The following CLSTN2 variants were observed in gnomAD, a reference collection of about 807,000 sequenced individuals.
CLSTN2 encodes calsyntenin 2, also known as calsyntenin-2.
Under a neutral mutation model 101.2 loss-of-function variants are expected in CLSTN2, and 48 were observed. That is an observed-to-expected ratio of 0.47 (90% CI 0.38 to 0.60). The LOEUF (loss-of-function observed/expected upper bound fraction) is 0.60. Among genes scored for constraint, CLSTN2 ranks in the 20% least tolerant of loss-of-function variants. The pLI is 0.00. For synonymous variants in CLSTN2, 481 were observed against 463.6 expected (o/e 1.04, Z -0.48); for missense variants, 1,160 against 1,238.2 (o/e 0.94, Z 0.95).
intron 1 of CLSTN2, among the ~76,000 whole-genome samples, chr3:139,981,058 G>T (rs1293962178): frequency 6.6e-6 from 1 of 152,134 alleles, no homozygotes; most frequent in African/African-American, 2.4e-5. Flanking sequence ...GTGTGGGTTT[G>T]ATTGGGCAAT....
intron 1 of CLSTN2, among the ~76,000 whole-genome samples, chr3:140,044,914 C>T (rs2007840591): frequency 6.6e-6 from 1 of 152,158 alleles, no homozygotes; most frequent in South Asian, 2.1e-4. Context: ...TTTTGATGTG[C>T]TGCTGGATTC....
In CLSTN2 at chr3:140,138,698, T is replaced by C. The variant is rs929835307; in HGVS notation, c.110-37253T>C. Among the ~76,000 whole-genome samples, 9 of 152,336 alleles carry C rather than the reference T, an allele frequency of 5.9e-5. No homozygotes were observed. The East Asian group carries it at 1.7e-3, about 29-fold the overall frequency. On this transcript the variant is annotated intron_variant, in intron 1 of 16. Transcript: ENST00000458420. ...TATTTTTCATGCCTGAGTTACCCCC[T>C]ACTCTCACCAAAGTCAATACGACCT...
rs994547966 is a variant in CLSTN2, at chr3:140,563,172, T to C, written c.2451T>C (p.Pro817=). 6.2e-7 allele frequency: 1 copy of C among 1,614,136 alleles called. No individual in the cohort carries two copies. Among genetic ancestry groups the C allele is most frequent in the Non-Finnish European group, 8.5e-7 (1 of 1,180,012 alleles). Residue 817 remains proline, a synonymous_variant, in exon 15 of 17, where the codon CCT becomes CCC. Coordinates refer to ENST00000458420, the MANE Select transcript of CLSTN2 (RefSeq NM_022131.3). ...CCTTCCTCCAGTCTGTCCATCATCCTGAGTCCCGGAGTAGCATCCAGCACA... is the reference window on the plus strand; with the variant it reads ...CCTTCCTCCAGTCTGTCCATCATCCCGAGTCCCGGAGTAGCATCCAGCACA... ...QPPFLQSVHH[P]ESRSSIQHSS...
chr3:140,098,621 T>G (rs1225063406), intron 1 of CLSTN2, among the ~76,000 whole-genome samples: 1 of 152,228 alleles, frequency 6.6e-6, no homozygotes, highest in African/African-American at 2.4e-5. Flanking sequence ...GCTGGAGATT[T>G]TATTCATTCC....
rs1239450187 is a variant in CLSTN2, at chr3:140,562,157, A to G, written c.2061A>G (p.Leu687=). The G allele has an allele frequency of 6.2e-7, 1 of 1,614,062 alleles. No homozygotes were observed. Among genetic ancestry groups the G allele is most frequent in the Non-Finnish European group, 8.5e-7 (1 of 1,179,946 alleles). The change falls in exon 13 of 17, where the codon TTA becomes TTG. Residue 687 remains leucine (L), a synonymous_variant. Transcript: ENST00000458420. ...CTACAGACCCCAAATCAGAAGTCTTAGAGGAAATGCTTCATAACTTAGATT... is the reference window on the plus strand; with the variant it reads ...CTACAGACCCCAAATCAGAAGTCTTGGAGGAAATGCTTCATAACTTAGATT... The part of the protein sequence containing the change: ...VKTTDPKSEV[L]EEMLHNLDFC...
At position 140,181,431 on chromosome 3, in the gene CLSTN2, T is replaced by G. The variant is rs188748811; in HGVS notation, c.232+5358T>G. Among the ~76,000 whole-genome samples the G allele has an allele frequency of 2.5e-3, 387 of 152,300 alleles. 2 individuals are homozygous for G. The highest frequency in any genetic ancestry group is 9.1e-3 in the African/African-American group (377 of 41,556). ...CAATAGTGCAATTATAATCTGTGAT[T>G]TTTTTTAAAAAAGAGAAAAGTTTTG... On this transcript the variant is annotated intron_variant, in intron 2 of 16. Coordinates refer to ENST00000458420, the MANE Select transcript of CLSTN2 (RefSeq NM_022131.3).
chr3:140,364,786 TATTC>T (rs376472990), intron 2 of CLSTN2, among the ~76,000 whole-genome samples: 3 of 152,158 alleles, frequency 2.0e-5, no homozygotes, highest in Non-Finnish European at 2.9e-5. Context: ...CAGGGAAATT[TATTC>T]ATTCATTCAT....
At chr3:140,292,249 C>G (rs939915817) in intron 2 of CLSTN2, among the ~76,000 whole-genome samples, 1 of 152,194 alleles carries the variant, frequency 6.6e-6, no homozygotes, top group African/African-American at 2.4e-5. Context: ...ATGTGCTGCT[C>G]CTCCTCCTGG....
rs1985761492 is a variant in CLSTN2 at position 140,577,365 on chromosome 3, T to C, written c.*11112T>C. On this transcript the variant is annotated 3_prime_UTR_variant, in exon 17 of 17. Transcript: ENST00000458420. ...CGTTATGACACTTTCTGTGAATTGG[T>C]GAATAAATATGATTTTAGAATTTCA... 6.6e-6 allele frequency: 1 copy of C among 152,206 alleles called. No homozygotes were observed. Among genetic ancestry groups the C allele is most frequent in the African/African-American group, 2.4e-5 (1 of 41,456 alleles). The allele number at this position is 152,206 out of a possible 1,614,324, so 9.4% of individuals were successfully genotyped here.
chr3:140,409,853 A>G (rs1336579339), intron 4 of CLSTN2, among the ~76,000 whole-genome samples: 1 of 152,246 alleles, frequency 6.6e-6, no homozygotes, highest in African/African-American at 2.4e-5. Flanking sequence ...AAGAAAAAAT[A>G]TAAAAAGAAC....
chr3:139,952,944 A>T (rs1209501788), intron 1 of CLSTN2, among the ~76,000 whole-genome samples: 1 of 152,170 alleles, frequency 6.6e-6, no homozygotes, highest in African/African-American at 2.4e-5. Flanking sequence ...TCACAAAATC[A>T]GGTCTGAAAC....
Position 140,552,281 on chromosome 3 carries a change from A to G in CLSTN2, c.1675-4232A>G, listed in dbSNP as rs142106675. On this transcript the variant is annotated intron_variant, in intron 10 of 16. Transcript: ENST00000458420. ...ACAGATACCCAAGGGCGAGTGAGCA[A>G]TGCCACCCTTTGCTGGGTCCCCTAG... Among the ~76,000 whole-genome samples, 98 of 152,188 alleles carry G rather than the reference A, an allele frequency of 6.4e-4. 1 individual carries two copies. Among genetic ancestry groups the G allele is most frequent in the African/African-American group, 2.1e-3 (88 of 41,544 alleles).
chr3:140,144,615 C>G (rs1457248900), intron 1 of CLSTN2, among the ~76,000 whole-genome samples: 1 of 151,406 alleles, frequency 6.6e-6, no homozygotes. Context: ...GACTTCATCT[C>G]CAAAAAAAAA....
intron 1 of CLSTN2, among the ~76,000 whole-genome samples, chr3:139,982,247 G>C (rs2107824212): frequency 6.6e-6 from 1 of 152,042 alleles, no homozygotes; most frequent in East Asian, 1.9e-4. Context: ...TTATATTACA[G>C]TCCGCCAAAT....
chr3:140,519,302 C>A (rs566227124), intron 8 of CLSTN2, among the ~76,000 whole-genome samples: 1 of 152,310 alleles, frequency 6.6e-6, no homozygotes, highest in South Asian at 2.1e-4. Context: ...AATGCATATT[C>A]TTGAGGTGGA....
At chr3:140,260,981 ATG>A (rs1192783945) in intron 2 of CLSTN2, among the ~76,000 whole-genome samples, 1 of 152,184 alleles carries the variant, frequency 6.6e-6, no homozygotes, top group East Asian at 1.9e-4. Flanking sequence ...CCTTTTCATC[ATG>A]TTAAGTAAAG....
At chr3:140,181,744 C>T (rs998698343) in intron 2 of CLSTN2, among the ~76,000 whole-genome samples, 6 of 152,132 alleles carry the variant, frequency 3.9e-5, no homozygotes, top group Middle Eastern at 3.4e-3. Flanking sequence ...CCAAACCTTA[C>T]CAACCTTGGG....
At chr3:140,327,699 G>T (rs546666971) in intron 2 of CLSTN2, among the ~76,000 whole-genome samples, 3 of 152,302 alleles carry the variant, frequency 2.0e-5, no homozygotes, top group African/African-American at 7.2e-5. Context: ...CATCTGTCAA[G>T]TGAATGTAAC....
At chr3:140,413,645 A>T (rs1167647666) in intron 4 of CLSTN2, among the ~76,000 whole-genome samples, 1 of 152,168 alleles carries the variant, frequency 6.6e-6, no homozygotes, top group Non-Finnish European at 1.5e-5. Context: ...ATGCAAAAAT[A>T]GTCCTCAACA....
Sources: gnomAD v4.1 joint callset for allele counts (sites outside exome capture counted in the v4.1 genomes callset) on GRCh38, gnomAD v4.1.1 for gene constraint, MANE v1.5 for transcripts, NCBI Gene and HGNC (gene_info 2026-07-23, HGNC 2026-07-21) for gene names.